The following SEC31A variants were observed in gnomAD, a reference collection of about 807,000 sequenced individuals.
SEC31A encodes the protein protein transport protein Sec31A.
Under a neutral mutation model 151.0 loss-of-function variants are expected in SEC31A, and 70 were observed. The observed-to-expected ratio is 0.46, with a 90% CI of 0.38 to 0.57. The LOEUF is 0.57. Ranked by LOEUF, SEC31A falls within the 20% of genes least tolerant of loss-of-function variation. The pLI is 0.00. For synonymous variants in SEC31A, 475 were observed against 505.9 expected (o/e 0.94, Z 0.82); for missense variants, 1,330 against 1,471.2 (o/e 0.90, Z 1.57).
chr4:82,891,516 T>C (rs1253700960), upstream of SEC31A, among the ~76,000 whole-genome samples: 1 of 152,166 alleles, frequency 6.6e-6, no homozygotes, highest in Non-Finnish European at 1.5e-5. Context: ...GTAGCACTAG[T>C]CCTGTGAGGC....
At chr4:82,861,049 C>T (rs1734017940) in intron 14 of SEC31A, among the ~76,000 whole-genome samples, 1 of 148,236 alleles carries the variant, frequency 6.7e-6, no homozygotes, top group Non-Finnish European at 1.5e-5. Context: ...AAGTAAATTA[C>T]AGATTTGTTC....
In SEC31A at chr4:82,877,062, A is replaced by G. The variant is rs1578356598; in HGVS notation, c.403-1240T>C. ...GGACCAGCTTGACCAACACGAAAAA[A>G]CCCTGTCTCTACAAAAATTAGCCAG... is the stretch of plus-strand genomic sequence containing the variant. On this transcript the variant is annotated intron_variant, in intron 4 of 26. Transcript: ENST00000395310. Among the ~76,000 whole-genome samples the G allele has an allele frequency of 4.0e-5, 6 of 151,190 alleles. 1 individual carries two copies. The highest frequency in any genetic ancestry group is 4.0e-4 in the Admixed American group (6 of 15,148).
intron 3 of SEC31A, among the ~76,000 whole-genome samples, chr4:82,880,270 T>C (rs575336977): frequency 2.6e-5 from 4 of 152,106 alleles, no homozygotes; most frequent in Non-Finnish European, 5.9e-5. Flanking sequence ...CTTCCTACCT[T>C]ACATGTAACA....
rs1456630353 is a variant in SEC31A at position 82,886,376 on chromosome 4, T to TA, written c.-4-4437dup. Among the ~76,000 whole-genome samples, 3 of 152,266 alleles carry TA rather than the reference T, an allele frequency of 2.0e-5. No homozygotes were observed. The East Asian group carries it at 5.8e-4, about 29-fold the overall frequency. On this transcript the variant is annotated intron_variant, in intron 1 of 26. Transcript: ENST00000395310. The stretch of plus-strand genomic sequence containing the variant: ...CCCTGAGCCCCAGTTTCTACATTCG[T>TA]AAAATAGGGAAAAGAGTGACAACCT...
intron 3 of SEC31A, among the ~76,000 whole-genome samples, chr4:82,896,539 A>G (rs1357913039): frequency 6.6e-6 from 1 of 152,112 alleles, no homozygotes; most frequent in Non-Finnish European, 1.5e-5. Context: ...CTCTTTCTAT[A>G]CACTATATAT....
At chr4:82,832,544 C>T (rs1252247337) in intron 22 of SEC31A, among the ~76,000 whole-genome samples, 1 of 152,022 alleles carries the variant, frequency 6.6e-6, no homozygotes, top group East Asian at 1.9e-4. Context: ...GCAACAAAAG[C>T]CAAAATTGAC....
chr4:82,840,198 A>G (rs1006737648), intron 22 of SEC31A, among the ~76,000 whole-genome samples: 1 of 152,220 alleles, frequency 6.6e-6, no homozygotes, highest in African/African-American at 2.4e-5. Context: ...TAAGACTTAA[A>G]TAAGAAAACA....
chr4:82,886,210 T>C (rs776891717), intron 1 of SEC31A, among the ~76,000 whole-genome samples: 4 of 152,138 alleles, frequency 2.6e-5, no homozygotes, highest in Non-Finnish European at 5.9e-5. Flanking sequence ...ATTTTAGAAA[T>C]TGTGTTAGGT....
intron 22 of SEC31A, among the ~76,000 whole-genome samples, chr4:82,840,839 C>A (rs1417521954): frequency 1.3e-5 from 2 of 152,096 alleles, no homozygotes; most frequent in Non-Finnish European, 2.9e-5. Flanking sequence ...ACATGGTATA[C>A]CTGTATAGGG....
At chr4:82,881,750 C>A (rs905124342) in intron 2 of SEC31A, 108 bp downstream of exon 2, 7 of 807,984 alleles carry the variant, frequency 8.7e-6, no homozygotes, top group Non-Finnish European at 1.5e-5. Context: ...CAGTAACTTG[C>A]CAGGGAGAGA....
chr4:82,881,357 T>A (rs1330088827), intron 2 of SEC31A, among the ~76,000 whole-genome samples: 7 of 151,648 alleles, frequency 4.6e-5, no homozygotes, highest in Non-Finnish European at 7.4e-5. Context: ...CCCAGCTACT[T>A]GGGAGGCTGA....
chr4:82,871,549 G>A (rs1736677783), intron 7 of SEC31A: 1 of 709,866 alleles, frequency 1.4e-6, no homozygotes, highest in South Asian at 1.8e-5. Flanking sequence ...GCAAAGGTGG[G>A]CAGATCACTT....
At chr4:82,871,905 A>G in intron 7 of SEC31A, 39 bp downstream of exon 7, 1 of 1,613,682 alleles carries the variant, frequency 6.2e-7, no homozygotes, top group Non-Finnish European at 8.5e-7. Context: ...ATGTTCAGAA[A>G]ATAAACAAAT....
chr4:82,834,816 T>A (rs958626405), intron 22 of SEC31A, among the ~76,000 whole-genome samples: 38 of 152,126 alleles, frequency 2.5e-4, no homozygotes, highest in Admixed American at 3.9e-4. Flanking sequence ...GTGACTTTTT[T>A]AAAAAAAACT....
intron 14 of SEC31A, among the ~76,000 whole-genome samples, chr4:82,861,255 T>TA (rs1734062140): frequency 6.6e-6 from 1 of 152,228 alleles, no homozygotes. Flanking sequence ...AGAGGCCTAT[T>TA]AGCCACTGAT....
intron 19 of SEC31A, among the ~76,000 whole-genome samples, chr4:82,850,640 T>C (rs973127540): frequency 2.6e-5 from 4 of 152,212 alleles, no homozygotes; most frequent in Admixed American, 6.5e-5. Context: ...TGCAGATATA[T>C]TGTTGTGGAA....
chr4:82,866,018 T>A (rs1735289391), intron 10 of SEC31A, among the ~76,000 whole-genome samples: 1 of 128,658 alleles, frequency 7.8e-6, no homozygotes, highest in Non-Finnish European at 1.6e-5. Flanking sequence ...AGCTGGCAAT[T>A]AAAAAAGAAA....
rs1730778191 is a variant in SEC31A, at chr4:82,848,725, T to G, written c.2502+79A>C. The G allele has an allele frequency of 4.8e-6, 6 of 1,242,372 alleles. No homozygotes were observed. The South Asian group carries it at 9.0e-5, about 19-fold the overall frequency. The allele number at this position is 1,242,372 out of a possible 1,614,324, so 77.0% of individuals were successfully genotyped here. A position where few individuals can be genotyped will look rare whatever the true frequency, so the allele number is the denominator to read the frequency against. ...TAGTTTTACCATATCAGAGAAGGTC[T>G]CCTGCTGAACAAATGAAAACCACCA... On this transcript the variant is annotated intron_variant, in intron 20 of 26. Coordinates refer to ENST00000395310, the MANE Select transcript of SEC31A (RefSeq NM_001077207.4).
At chr4:82,827,990 C>T (rs1489566581) in intron 23 of SEC31A, among the ~76,000 whole-genome samples, 1 of 152,000 alleles carries the variant, frequency 6.6e-6, no homozygotes, top group Non-Finnish European at 1.5e-5. Context: ...TCTCAGCTCA[C>T]TGCAACCTCC....
Sources: allele counts gnomAD v4.1 joint callset (sites outside exome capture counted in the v4.1 genomes callset), GRCh38; gene constraint gnomAD v4.1.1; transcripts MANE v1.5; gene names NCBI Gene and HGNC (gene_info 2026-07-23, HGNC 2026-07-21).